Variants in METTL24 observed in about 807,000 individuals in gnomAD.
METTL24 encodes probable methyltransferase-like protein 24.
In METTL24, 29 loss-of-function variants were observed where a neutral mutation model predicts 32.7. That is an observed-to-expected ratio of 0.89 (90% confidence interval 0.66 to 1.21). The LOEUF is 1.21. Among genes scored for constraint, METTL24 ranks in the 50% most tolerant of loss-of-function variants. METTL24 has a pLI of 0.00. For missense variants in METTL24, 439 were observed against 468.1 expected (o/e 0.94, Z 0.57); for synonymous variants, 163 against 179.5 (o/e 0.91, Z 0.73).
intron 3 of METTL24, among the ~76,000 whole-genome samples, chr6:110,311,464 C>CTTT (rs1344647082): frequency 4.0e-5 from 5 of 123,708 alleles, no homozygotes; most frequent in African/African-American, 1.7e-4. Context: ...TCTTTTCTTT[C>CTTT]TTTGTTTTTT....
intron 1 of METTL24, among the ~76,000 whole-genome samples, chr6:110,353,178 G>A (rs573795304): frequency 6.6e-6 from 1 of 152,182 alleles, no homozygotes; most frequent in African/African-American, 2.4e-5. Context: ...CCCACATATT[G>A]CTGGAGCTTA....
chr6:110,304,849 T>G (rs1168552714), intron 3 of METTL24, among the ~76,000 whole-genome samples: 1 of 152,058 alleles, frequency 6.6e-6, no homozygotes, highest in African/African-American at 2.4e-5. Context: ...CCAAGACACA[T>G]AATCATCAGA....
intron 1 of METTL24, among the ~76,000 whole-genome samples, chr6:110,354,787 A>G (rs1772673557): frequency 6.6e-6 from 1 of 152,008 alleles, no homozygotes. Context: ...CTGTGAAATA[A>G]TGGGAGAATA....
intron 2 of METTL24, among the ~76,000 whole-genome samples, chr6:110,319,270 ATGTGTGTG>A (rs58600122): frequency 1.3e-5 from 2 of 148,478 alleles, no homozygotes; most frequent in African/African-American, 4.9e-5. Context: ...CTGTGTGTGT[ATGTGTGTG>A]TGTGTGTGTG....
chr6:110,263,866 G>C (rs1254933758), intron 4 of METTL24, among the ~76,000 whole-genome samples: 1 of 152,184 alleles, frequency 6.6e-6, no homozygotes, highest in East Asian at 1.9e-4. Flanking sequence ...AAGAAGAAAT[G>C]GGGAAAGGAT....
chr6:110,276,561 C>CT (rs376247250), intron 4 of METTL24, among the ~76,000 whole-genome samples: 199 of 152,306 alleles, frequency 1.3e-3, no homozygotes, highest in African/African-American at 4.5e-3. Context: ...TCAAATGAAT[C>CT]TAACTGGTAG....
rs903428496 is a variant in METTL24 at position 110,245,085 on chromosome 6, T to C, written c.*861A>G. Among the ~76,000 whole-genome samples the C allele has an allele frequency of 6.6e-6, 1 of 152,214 alleles. No individual in the cohort carries two copies. Among genetic ancestry groups the C allele is most frequent in the African/African-American group, 2.4e-5 (1 of 41,460 alleles). ...CTGGACTAAAGGGTGTCCAGATCTT[T>C]AGTTAAACATTATTCTAGGTGTATC... is the stretch of plus-strand genomic sequence containing the variant. On this transcript the variant is annotated 3_prime_UTR_variant, in exon 5 of 5. Coordinates refer to ENST00000338882, the MANE Select transcript of METTL24 (RefSeq NM_001123364.3).
At chr6:110,303,493 C>T (rs917506108) in intron 3 of METTL24, among the ~76,000 whole-genome samples, 3 of 152,150 alleles carry the variant, frequency 2.0e-5, no homozygotes, top group African/African-American at 7.2e-5. Flanking sequence ...GGGCGTCTGC[C>T]ATTACTGAGG....
At chr6:110,334,130 A>G (rs999393833) in intron 1 of METTL24, among the ~76,000 whole-genome samples, 3 of 152,058 alleles carry the variant, frequency 2.0e-5, no homozygotes, top group African/African-American at 4.8e-5. Context: ...TTCCCGCAAC[A>G]CCTGCACAGC....
chr6:110,326,693 G>T (rs983137802), intron 1 of METTL24, among the ~76,000 whole-genome samples: 2 of 152,172 alleles, frequency 1.3e-5, no homozygotes, highest in African/African-American at 4.8e-5. Flanking sequence ...CCTGTGTCTG[G>T]TAACACCGGA....
chr6:110,252,512 C>A lies in METTL24; in HGVS notation c.787-6252G>T, dbSNP rs114238777. 4.8e-3 allele frequency among the ~76,000 whole-genome samples: 728 copies of A among 152,312 alleles called. 2 individuals are homozygous for A. Among genetic ancestry groups the A allele is most frequent in the African/African-American group, 0.017 (698 of 41,576 alleles). Reference sequence around the variant, plus strand: ...AATACAGTCACACTGGGAGTTAGGGCTTCAATCTATGAATTTCTTCAACCC... The same window carrying A: ...AATACAGTCACACTGGGAGTTAGGGATTCAATCTATGAATTTCTTCAACCC... On this transcript the variant is annotated intron_variant, in intron 4 of 4. Transcript: ENST00000338882.
At position 110,249,434 on chromosome 6, in the gene METTL24, G is replaced by GGGAGGTGCCCCCT. The variant is rs1554210574; in HGVS notation, c.787-3175_787-3174insAGGGGGCACCTCC. ...AAGTTGATCTAAATCATGCAGCCCAGGGGGAGCACAGAAGCTCTTCTCTGC... is the reference window on the plus strand; with the variant it reads ...AAGTTGATCTAAATCATGCAGCCCAGGGAGGTGCCCCCTGGGGAGCACAGAAGCTCTTCTCTGC... On this transcript the variant is annotated intron_variant, in intron 4 of 4. Coordinates refer to ENST00000338882, the MANE Select transcript of METTL24 (RefSeq NM_001123364.3). Among the ~76,000 whole-genome samples, 7 of 151,540 alleles carry GGGAGGTGCCCCCT rather than the reference G, an allele frequency of 4.6e-5. 1 individual carries two copies. Among genetic ancestry groups the GGGAGGTGCCCCCT allele is most frequent in the African/African-American group, 1.5e-4 (6 of 41,242 alleles).
intron 3 of METTL24, among the ~76,000 whole-genome samples, chr6:110,304,253 C>T (rs1034466399): frequency 6.6e-6 from 1 of 152,254 alleles, no homozygotes; most frequent in East Asian, 1.9e-4. Context: ...AACCAGAACA[C>T]CTCTTCTCCT....
chr6:110,340,767 C>T (rs747419945), intron 1 of METTL24, among the ~76,000 whole-genome samples: 1 of 152,116 alleles, frequency 6.6e-6, no homozygotes, highest in Non-Finnish European at 1.5e-5. Flanking sequence ...CTCCACAGTA[C>T]GGAGGAAATC....
chr6:110,336,648 A>G (rs4382329), intron 1 of METTL24, among the ~76,000 whole-genome samples: 119,482 of 151,554 alleles, frequency 0.79, 47,291 homozygotes, highest in African/African-American at 0.83. Context: ...GCTGAGGCAG[A>G]AGAATGGGTG....
At chr6:110,260,729 C>T (rs1342753253) in intron 4 of METTL24, among the ~76,000 whole-genome samples, 2 of 152,138 alleles carry the variant, frequency 1.3e-5, no homozygotes, top group East Asian at 1.9e-4. Context: ...GATTGGATTA[C>T]CCACAAAAGG....
intron 3 of METTL24, among the ~76,000 whole-genome samples, chr6:110,312,016 A>G (rs1043061712): frequency 2.0e-5 from 3 of 152,024 alleles, no homozygotes; most frequent in African/African-American, 7.2e-5. Context: ...CACTCTGTTG[A>G]TTGTTTCTTT....
chr6:110,254,000 TC>T (rs1778334019), intron 4 of METTL24: 1 of 1,296,986 alleles, frequency 7.7e-7, no homozygotes, highest in Admixed American at 3.8e-5. Flanking sequence ...TCCCCTTTGA[TC>T]TCCTTGACAT....
intron 2 of METTL24, among the ~76,000 whole-genome samples, chr6:110,320,976 C>T (rs1014726439): frequency 6.6e-6 from 1 of 152,176 alleles, no homozygotes; most frequent in East Asian, 1.9e-4. Flanking sequence ...GTGGCTCACA[C>T]CTGTAATCCC....
Sources: gnomAD v4.1 joint callset for allele counts (sites outside exome capture counted in the v4.1 genomes callset) on GRCh38, gnomAD v4.1.1 for gene constraint, MANE v1.5 for transcripts, NCBI Gene and HGNC (gene_info 2026-07-23, HGNC 2026-07-21) for gene names.